The following ZNF326 variants were observed in gnomAD, a reference collection of about 807,000 sequenced individuals.
ZNF326 encodes zinc finger protein 326.
A neutral mutation model predicts 63.1 loss-of-function variants in ZNF326; 30 were observed. The observed-to-expected ratio is 0.48, with a 90% CI of 0.36 to 0.64. The LOEUF (loss-of-function observed/expected upper bound fraction) is 0.64. Among genes scored for constraint, ZNF326 ranks in the 30% least tolerant of loss-of-function variants. The pLI is 0.00. For synonymous variants in ZNF326, 194 were observed against 228.2 expected (o/e 0.85, Z 1.35); for missense variants, 609 against 720.3 (o/e 0.85, Z 1.77).
chr1:90,005,353 T>C, intron 4 of ZNF326, 109 bp downstream of exon 4: 1 of 1,471,938 alleles, frequency 6.8e-7, no homozygotes, highest in East Asian at 2.4e-5. Context: ...CACTGTTTGC[T>C]ATTGAATCAT....
chr1:90,005,881 T>C, intron 4 of ZNF326: 1 of 985,448 alleles, frequency 1.0e-6, no homozygotes, highest in Non-Finnish European at 1.2e-6. Context: ...TACCTTTGAC[T>C]AGTCGAGATT....
At chr1:89,998,547 C>T (rs1232593218) in intron 2 of ZNF326, among the ~76,000 whole-genome samples, 2 of 151,964 alleles carry the variant, frequency 1.3e-5, no homozygotes, top group African/African-American at 2.4e-5. Context: ...TGCATTTTGA[C>T]CTTGTTTTTG....
Position 90,017,298 on chromosome 1 carries a change from AC to A in ZNF326, c.927-18del. ...TGAATAAAGTAATATTTAAAGGAAAACTTTTTTTTCTCTTACAGAATGGCAT... is the reference window on the plus strand; with the variant it reads ...TGAATAAAGTAATATTTAAAGGAAAATTTTTTTTCTCTTACAGAATGGCAT... On this transcript the variant is annotated intron_variant, in intron 7 of 11. Coordinates refer to ENST00000340281, the MANE Select transcript of ZNF326 (RefSeq NM_182976.4). The A allele has an allele frequency of 5.2e-6, 8 of 1,542,726 alleles. No individual in the cohort carries two copies. The highest frequency in any genetic ancestry group is 7.0e-6 in the Non-Finnish European group (8 of 1,145,670).
rs1209805856 is a variant in ZNF326, at chr1:90,007,445, G to A, written c.310G>A (p.Gly104Arg). The A allele has an allele frequency of 3.1e-6, 5 of 1,613,962 alleles. No homozygotes were observed. The highest frequency in any genetic ancestry group is 2.7e-5 in the African/African-American group (2 of 74,894). ...GFNEPEQSRFGGSYGGRFESS... is the reference protein window; with the variant it reads ...GFNEPEQSRFRGSYGGRFESS... ...TAATGAACCCGAACAAAGCCGCTTC[G>A]GAGGTAGTTATGGTGGTCGATTTGA... The change falls in exon 5 of 12, where the codon GGA (glycine) becomes AGA (arginine). Residue 104 changes from glycine to arginine, a missense_variant. Gly to Arg is a moderately radical substitution (Grantham distance 125). Around this residue, in one of 3 missense-constraint regions of ZNF326, gnomAD observed 113 missense variants for 187.4 expected, o/e 0.60. Coordinates refer to ENST00000340281, the MANE Select transcript of ZNF326 (RefSeq NM_182976.4). This position sits in a 1 kb window ranked among gnomAD's most constrained non-coding sequence, Gnocchi z 4.9.
intron 2 of ZNF326, among the ~76,000 whole-genome samples, chr1:89,998,612 GGAGCACAT>G (rs1477424296): frequency 6.6e-6 from 1 of 152,140 alleles, no homozygotes; most frequent in Non-Finnish European, 1.5e-5. Flanking sequence ...GCTGTCTAGA[GGAGCACAT>G]GAAGAAGCTT....
At chr1:89,997,412 C>T (rs1372317035) in intron 1 of ZNF326, among the ~76,000 whole-genome samples, 2 of 151,578 alleles carry the variant, frequency 1.3e-5, no homozygotes, top group African/African-American at 4.9e-5. Flanking sequence ...CTCGTTCTGT[C>T]GCCCAGGCTG....
chr1:90,009,468 T>C, intron 5 of ZNF326, among the ~76,000 whole-genome samples: 1 of 151,952 alleles, frequency 6.6e-6, no homozygotes, highest in Admixed American at 6.6e-5. Flanking sequence ...GGTCAGAAAA[T>C]GTTTCTCTAG....
chr1:90,010,370 T>G, intron 6 of ZNF326, 84 bp downstream of exon 6: 1 of 1,366,798 alleles, frequency 7.3e-7, no homozygotes, highest in Non-Finnish European at 1.0e-6. Flanking sequence ...TTTTCATGTT[T>G]ATATACAGAA....
intron 1 of ZNF326, among the ~76,000 whole-genome samples, chr1:89,996,125 A>C (rs569120998): frequency 6.6e-6 from 1 of 152,236 alleles, no homozygotes; most frequent in South Asian, 2.1e-4. Flanking sequence ...TCACAAAGTA[A>C]TATTAATTTG....
chr1:90,011,432 A>G (rs1322082373), intron 6 of ZNF326, among the ~76,000 whole-genome samples: 1 of 152,092 alleles, frequency 6.6e-6, no homozygotes, highest in African/African-American at 2.4e-5. Context: ...TATTTGAGGT[A>G]ATATATAAAT....
At chr1:90,024,034 TG>T (rs1246208772) in intron 11 of ZNF326, among the ~76,000 whole-genome samples, 1 of 152,206 alleles carries the variant, frequency 6.6e-6, no homozygotes, top group Non-Finnish European at 1.5e-5. Context: ...CAAGAAGCAC[TG>T]GGGTCACATT....
chr1:90,000,677 C>G (rs909820019), intron 2 of ZNF326, among the ~76,000 whole-genome samples: 2 of 152,198 alleles, frequency 1.3e-5, no homozygotes, highest in Admixed American at 1.3e-4. Context: ...TGCAGTCCAG[C>G]ATGGGTGACA....
Position 90,007,537 on chromosome 1 carries a change from A to G in ZNF326, c.402A>G (p.Ala134=). 6.2e-7 allele frequency: 1 copy of G among 1,614,066 alleles called. No individual in the cohort carries two copies. Among genetic ancestry groups the G allele is most frequent in the Non-Finnish European group, 8.5e-7 (1 of 1,179,980 alleles). ...GRNQGGSSWE[A]PYSRSKLRPG... ...ACCAGGGCGGGTCTAGCTGGGAAGC[A>G]CCTTACTCCCGTTCAAAATTGAGGC... The change falls in exon 5 of 12, where the codon GCA becomes GCG. Residue 134 remains alanine (A), a synonymous_variant. Transcript: ENST00000340281. The surrounding 1 kb of genome is among the most constrained non-coding windows in gnomAD (Gnocchi z 4.9).
Position 90,029,062 on chromosome 1 carries a change from C to T in ZNF326, c.*1361C>T, listed in dbSNP as rs1407060518. On this transcript the variant is annotated 3_prime_UTR_variant, in exon 12 of 12. Transcript: ENST00000340281. Reference sequence around the variant, plus strand: ...CAAGTGACCTGTCTGTCTTGGCCTCCCACAGTGCTGGGATTGCAGGTGTGA... The same window carrying T: ...CAAGTGACCTGTCTGTCTTGGCCTCTCACAGTGCTGGGATTGCAGGTGTGA... The T allele has an allele frequency of 6.6e-6, 1 of 152,120 alleles. No homozygotes were observed. Among genetic ancestry groups the T allele is most frequent in the Non-Finnish European group, 1.5e-5 (1 of 68,046 alleles). 9.4% of individuals were successfully genotyped at this position (152,120 alleles called of 1,614,324 possible).
chr1:89,995,317 G>C (rs991660370), intron 1 of ZNF326, 44 bp downstream of exon 1: 1 of 1,532,308 alleles, frequency 6.5e-7, no homozygotes. Context: ...GCAGGAGGCG[G>C]GGTGGCCTAC....
intron 9 of ZNF326, 48 bp downstream of exon 9, chr1:90,018,832 A>G (rs1253415530): frequency 1.7e-6 from 2 of 1,147,230 alleles, no homozygotes; most frequent in Admixed American, 2.2e-5. Context: ...GTATTTTTAT[A>G]TATCATAACC....
At chr1:90,022,597 C>A (rs1185621203) in intron 11 of ZNF326, among the ~76,000 whole-genome samples, 1 of 152,138 alleles carries the variant, frequency 6.6e-6, no homozygotes, top group Non-Finnish European at 1.5e-5. Flanking sequence ...GATAGAAAAT[C>A]AAAATGTCAG....
chr1:90,011,554 T>C (rs546725530), intron 6 of ZNF326, among the ~76,000 whole-genome samples: 1 of 148,058 alleles, frequency 6.8e-6, no homozygotes, highest in Admixed American at 6.8e-5. Context: ...TAAAGTTAAA[T>C]GTATTATAAG....
intron 2 of ZNF326, among the ~76,000 whole-genome samples, chr1:90,000,275 G>A (rs535441782): frequency 3.9e-5 from 6 of 152,304 alleles, no homozygotes; most frequent in African/African-American, 1.4e-4. Flanking sequence ...GTGAAATGAA[G>A]TAGAAGGCAT....
Sources: allele counts gnomAD v4.1 joint callset (sites outside exome capture counted in the v4.1 genomes callset), GRCh38; gene constraint gnomAD v4.1.1; regional missense constraint gnomAD v4.1.1; non-coding constraint Gnocchi (gnomAD v3.1); transcripts MANE v1.5; gene names NCBI Gene and HGNC (gene_info 2026-07-23, HGNC 2026-07-21).